Variants in GPHN observed in about 807,000 individuals in gnomAD.
GPHN encodes the protein gephyrin.
GPHN carries 17 observed loss-of-function variants against 95.5 expected under a neutral mutation model. The observed-to-expected ratio is 0.18, with a 90% confidence interval of 0.12 to 0.27. The LOEUF (loss-of-function observed/expected upper bound fraction) is 0.27. Among genes scored for constraint, GPHN ranks in the 10% least tolerant of loss-of-function variants. The pLI, the probability that GPHN is intolerant of heterozygous loss-of-function variation, is 1.00. For missense variants in GPHN, 660 were observed against 978.1 expected (o/e 0.67, Z 4.34); for synonymous variants, 320 against 322.5 (o/e 0.99, Z 0.08).
At chr14:66,556,658 G>A (rs1378195566) in intron 1 of GPHN, among the ~76,000 whole-genome samples, 1 of 151,798 alleles carries the variant, frequency 6.6e-6, no homozygotes. Context: ...CAAAACTTTT[G>A]GTCCCATAAT....
the GPHN span, among the ~76,000 whole-genome samples, chr14:67,703,880 G>T: frequency 1.3e-5 from 2 of 152,122 alleles, no homozygotes; most frequent in African/African-American, 2.4e-5. Context: ...GTTTTGCCAT[G>T]TTGCCCAGGC....
chr14:66,695,823 A>G (rs1339892111), intron 2 of GPHN, among the ~76,000 whole-genome samples: 4 of 152,234 alleles, frequency 2.6e-5, no homozygotes, highest in East Asian at 3.8e-4. Context: ...TGAAGATAGT[A>G]AAAGAATCAG....
At chr14:67,388,051 C>G in the GPHN span, among the ~76,000 whole-genome samples, 1 of 152,146 alleles carries the variant, frequency 6.6e-6, no homozygotes, top group African/African-American at 2.4e-5. Flanking sequence ...CTTAAAACGC[C>G]AAGAACATAC....
intron 11 of GPHN, among the ~76,000 whole-genome samples, chr14:67,070,989 G>A (rs2076281206): frequency 6.6e-6 from 1 of 152,074 alleles, no homozygotes; most frequent in African/African-American, 2.4e-5. Context: ...AACAACAGGT[G>A]CTGGAGAGGA....
the GPHN span, chr14:67,279,154 G>A: frequency 1.3e-6 from 2 of 1,546,956 alleles, no homozygotes; most frequent in Non-Finnish European, 1.7e-6. Context: ...AAGTGGTACA[G>A]GTTTTCATAG....
At chr14:67,060,066 C>A (rs1328319693) in intron 11 of GPHN, among the ~76,000 whole-genome samples, 1 of 151,868 alleles carries the variant, frequency 6.6e-6, no homozygotes, top group Non-Finnish European at 1.5e-5. Flanking sequence ...ATTAATAATA[C>A]TTTACCTGTT....
chr14:66,740,454 T>C (rs1485598466), intron 2 of GPHN, among the ~76,000 whole-genome samples: 2 of 152,028 alleles, frequency 1.3e-5, no homozygotes, highest in Admixed American at 6.6e-5. Flanking sequence ...TAGTAGAGCT[T>C]ACTTCTGAAT....
At chr14:67,050,760 C>G (rs960540443) in intron 10 of GPHN, among the ~76,000 whole-genome samples, 11 of 150,994 alleles carry the variant, frequency 7.3e-5, no homozygotes, top group African/African-American at 2.4e-4. Flanking sequence ...AAATCCTATG[C>G]CAGCAACTTG....
chr14:67,033,362 G>A (rs1279300543), intron 10 of GPHN, among the ~76,000 whole-genome samples: 2 of 152,058 alleles, frequency 1.3e-5, no homozygotes, highest in African/African-American at 2.4e-5. Context: ...CCAGGGATTC[G>A]AGACTAGCCT....
At chr14:67,105,679 C>G (rs892073808) in intron 13 of GPHN, among the ~76,000 whole-genome samples, 7 of 152,056 alleles carry the variant, frequency 4.6e-5, no homozygotes, top group Admixed American at 2.0e-4. Flanking sequence ...CCATTTGCAT[C>G]AAATATCTTG....
the GPHN span, chr14:67,690,625 G>A: frequency 1.9e-3 from 1,080 of 567,944 alleles, no homozygotes; most frequent in Non-Finnish European, 2.8e-3. Context: ...TTATATGAGC[G>A]AGATAGGTCT....
At chr14:67,426,129 C>T in the GPHN span, among the ~76,000 whole-genome samples, 1 of 152,098 alleles carries the variant, frequency 6.6e-6, no homozygotes, top group African/African-American at 2.4e-5. Flanking sequence ...ACCCAAAACA[C>T]ACCCAGTATC....
At chr14:67,071,400 G>T (rs910213325) in intron 11 of GPHN, among the ~76,000 whole-genome samples, 1 of 151,502 alleles carries the variant, frequency 6.6e-6, no homozygotes, top group East Asian at 1.9e-4. Context: ...ACCAAACACC[G>T]CATGTTCTCA....
the GPHN span, among the ~76,000 whole-genome samples, chr14:67,331,619 G>T: frequency 6.6e-6 from 1 of 152,194 alleles, no homozygotes; most frequent in East Asian, 1.9e-4. Context: ...GTCGTGGATT[G>T]TAATTTGAAA....
At chr14:67,686,617 C>T in the GPHN span, among the ~76,000 whole-genome samples, 113 of 116,412 alleles carry the variant, frequency 9.7e-4, 2 homozygotes, top group African/African-American at 3.3e-3. Flanking sequence ...CCAGCCTGGG[C>T]GACAGAGTGA....
At chr14:66,955,079 T>C (rs906473799) in intron 8 of GPHN, among the ~76,000 whole-genome samples, 1 of 152,218 alleles carries the variant, frequency 6.6e-6, no homozygotes, top group Non-Finnish European at 1.5e-5. Flanking sequence ...TTTTTTGTTC[T>C]TATGATGTCA....
chr14:67,421,295 G>A, the GPHN span, among the ~76,000 whole-genome samples: 1 of 152,140 alleles, frequency 6.6e-6, no homozygotes, highest in Non-Finnish European at 1.5e-5. Flanking sequence ...CCTGGGCATG[G>A]TAAATCCATG....
the GPHN span, among the ~76,000 whole-genome samples, chr14:67,569,534 C>T: frequency 6.6e-6 from 1 of 152,248 alleles, no homozygotes; most frequent in Non-Finnish European, 1.5e-5. Context: ...GGAGGAGCCA[C>T]AAGTGTCCTG....
chr14:66,971,641 C>A (rs1191199413), intron 9 of GPHN, among the ~76,000 whole-genome samples: 1 of 151,976 alleles, frequency 6.6e-6, no homozygotes, highest in Non-Finnish European at 1.5e-5. Flanking sequence ...TGATACCATA[C>A]CAAAAATTTA....
Sources: gnomAD v4.1 joint callset for allele counts (sites outside exome capture counted in the v4.1 genomes callset) on GRCh38, gnomAD v4.1.1 for gene constraint, MANE v1.5 for transcripts, NCBI Gene and HGNC (gene_info 2026-07-23, HGNC 2026-07-21) for gene names.